COL4A5: variants seen among roughly 807,000 people sequenced by gnomAD.
The protein encoded by COL4A5 is collagen type IV alpha 5 chain.
A neutral mutation model predicts 130.2 loss-of-function variants in COL4A5; 26 were observed. The observed-to-expected ratio is 0.20, with a 90% CI of 0.15 to 0.28. COL4A5 has a LOEUF of 0.28. Ranked by LOEUF, COL4A5 falls within the 10% of genes least tolerant of loss-of-function variation. COL4A5 has a pLI of 1.00. For missense variants in COL4A5, 1,131 were observed against 1,344.3 expected (o/e 0.84, Z 2.48); for synonymous variants, 496 against 439.6 (o/e 1.13, Z -1.60).
At chrX:108,659,889 T>C (rs772438025) in intron 37 of COL4A5, among the ~76,000 whole-genome samples, 1 of 111,421 alleles carries the variant, frequency 9.0e-6, no homozygotes, top group Non-Finnish European at 1.9e-5. Flanking sequence ...TTAATGTATA[T>C]TGTTATGTTT....
chrX:108,632,293 C>T (rs1361084080), intron 36 of COL4A5, among the ~76,000 whole-genome samples: 3 of 110,385 alleles, frequency 2.7e-5, no homozygotes, highest in South Asian at 8.1e-4. Flanking sequence ...GAAGTTGAAT[C>T]TCTGAATAGG....
At chrX:108,625,928 G>A (rs2067145370) in intron 35 of COL4A5, 134 bp downstream of exon 35, 1 of 521,993 alleles carries the variant, frequency 1.9e-6, no homozygotes, top group Admixed American at 3.2e-5. Context: ...AGTGGGTAGT[G>A]TTCTCTTGTT....
intron 25 of COL4A5, among the ~76,000 whole-genome samples, chrX:108,600,120 G>C (rs970332493): frequency 4.5e-5 from 5 of 112,196 alleles, no homozygotes; most frequent in African/African-American, 1.6e-4. Flanking sequence ...GTGTTTATTG[G>C]TCATTTGAAT....
intron 8 of COL4A5, among the ~76,000 whole-genome samples, chrX:108,572,422 G>A (rs755199916): frequency 3.6e-5 from 4 of 111,232 alleles, no homozygotes; most frequent in South Asian, 7.7e-4. Flanking sequence ...AAATAAACCC[G>A]CTCCTCCCTG....
rs368367944 is a variant in COL4A5 at position 108,598,434 on chromosome X, A to C, written c.1780-268A>C. 5.9e-4 allele frequency among the ~76,000 whole-genome samples: 66 copies of C among 111,750 alleles called. 1 individual carries two copies. Among genetic ancestry groups the C allele is most frequent in the African/African-American group, 2.0e-3 (63 of 30,749 alleles). On this transcript the variant is annotated intron_variant, in intron 24 of 52. Coordinates refer to ENST00000328300, the MANE Select transcript of COL4A5 (RefSeq NM_033380.3). The stretch of plus-strand genomic sequence containing the variant: ...CTATAACCTTTCTGACTTACACTAA[A>C]ATGTAAGCTGCATAAAGTCAGAGAT...
At chrX:108,620,681 G>T (rs1445461420) in intron 31 of COL4A5, among the ~76,000 whole-genome samples, 1 of 111,677 alleles carries the variant, frequency 9.0e-6, no homozygotes, top group African/African-American at 3.3e-5. Flanking sequence ...TAATTTTGCT[G>T]AAGATTTTGC....
chrX:108,532,610 A>G (rs971857616), intron 1 of COL4A5, among the ~76,000 whole-genome samples: 5 of 111,451 alleles, frequency 4.5e-5, no homozygotes, highest in African/African-American at 1.6e-4. Flanking sequence ...TAAAAAAGGC[A>G]TCCAAATGGG....
chrX:108,541,249 G>A (rs2065535402), intron 2 of COL4A5, among the ~76,000 whole-genome samples: 2 of 111,782 alleles, frequency 1.8e-5, no homozygotes, highest in Non-Finnish European at 3.8e-5. Flanking sequence ...GAGTAGTTTC[G>A]CAGTAAGGGT....
chrX:108,586,637 G>A lies in COL4A5; in HGVS notation c.1055G>A (p.Gly352Asp). The change falls in exon 19 of 53, where the codon GGT (glycine) becomes GAT (aspartate). Residue 352 changes from glycine (G) to aspartate (D), a missense_variant. By Grantham distance (94) the Gly-to-Asp change is moderately conservative. Coordinates refer to ENST00000328300, the MANE Select transcript of COL4A5 (RefSeq NM_033380.3). ...PGLVIPRPGT[G>D]ITIGEKGNIG... ...AAGGTAATTCCTAGACCTGGGACTG[G>A]TATAACTATAGGAGAAAAAGGAAAC... 3 of 1,206,070 alleles carry A rather than the reference G, an allele frequency of 2.5e-6. No homozygotes were observed. The highest frequency in any genetic ancestry group is 3.4e-6 in the Non-Finnish European group (3 of 891,322).
chrX:108,654,686 A>G (rs757931957), intron 36 of COL4A5, among the ~76,000 whole-genome samples: 3 of 112,512 alleles, frequency 2.7e-5, no homozygotes, highest in South Asian at 3.7e-4. Flanking sequence ...GGCTCAAGCA[A>G]TCCTCCAGCC....
intron 10 of COL4A5, among the ~76,000 whole-genome samples, chrX:108,577,286 C>T (rs2066166123): frequency 9.6e-6 from 1 of 104,463 alleles, no homozygotes; most frequent in Non-Finnish European, 1.9e-5. Context: ...ACAGGAAAAT[C>T]GCTTGAACCC....
intron 2 of COL4A5, among the ~76,000 whole-genome samples, chrX:108,545,628 T>C (rs1249883331): frequency 8.9e-6 from 1 of 111,816 alleles, no homozygotes; most frequent in East Asian, 2.8e-4. Context: ...TTAGGTCTGC[T>C]TGGTGCAGAG....
intron 36 of COL4A5, among the ~76,000 whole-genome samples, chrX:108,632,266 C>A (rs962616291): frequency 6.3e-5 from 7 of 110,673 alleles, no homozygotes; most frequent in Non-Finnish European, 1.3e-4. Context: ...AGACTCCCCC[C>A]AAGACTAAAC....
chrX:108,459,343 A>T (rs923767048), intron 1 of COL4A5, among the ~76,000 whole-genome samples: 4 of 111,116 alleles, frequency 3.6e-5, no homozygotes, highest in Non-Finnish European at 7.5e-5. Context: ...GGCCTGTAGG[A>T]TAACGTTTAA....
intron 37 of COL4A5, among the ~76,000 whole-genome samples, chrX:108,660,987 A>T (rs1441503186): frequency 8.9e-6 from 1 of 112,034 alleles, no homozygotes; most frequent in Admixed American, 9.5e-5. Flanking sequence ...AGGTTTAGTT[A>T]TACAAATACT....
chrX:108,680,656 C>T, intron 44 of COL4A5, 23 bp from the exon 45 acceptor site: 2 of 1,192,843 alleles, frequency 1.7e-6, no homozygotes, highest in Non-Finnish European at 2.3e-6. Flanking sequence ...TTTTTTGTAA[C>T]ATTAATGATT....
chrX:108,597,442 C>T lies in COL4A5; in HGVS notation c.1653C>T (p.Leu551=), dbSNP rs1182245762. The T allele has an allele frequency of 1.2e-5, 15 of 1,210,904 alleles. No homozygotes were observed. The highest frequency in any genetic ancestry group is 1.7e-5 in the Non-Finnish European group (15 of 895,095). The change falls in exon 24 of 53, where the codon CTC becomes CTT. Residue 551 remains leucine (L), a synonymous_variant. Transcript: ENST00000328300. ...PGSKGEPGDI[L]TFPGMKGDKG... ...CTAAAGGTGAACCTGGTGATATCCT[C>T]ACTTTTCCAGGAATGAAGGGTGACA...
At chrX:108,446,941 C>G (rs757865910) in intron 1 of COL4A5, among the ~76,000 whole-genome samples, 16 of 111,328 alleles carry the variant, frequency 1.4e-4, no homozygotes, top group Non-Finnish European at 2.1e-4. Context: ...ATTTTGTGCA[C>G]AATATATCCT....
intron 1 of COL4A5, among the ~76,000 whole-genome samples, chrX:108,498,798 T>A (rs1316642269): frequency 9.0e-6 from 1 of 111,651 alleles, no homozygotes; most frequent in Non-Finnish European, 1.9e-5. Flanking sequence ...TAGTATAAAA[T>A]TTTTCATTTT....
Sources: gnomAD v4.1 joint callset for allele counts (sites outside exome capture counted in the v4.1 genomes callset) on GRCh38, gnomAD v4.1.1 for gene constraint, MANE v1.5 for transcripts, NCBI Gene and HGNC (gene_info 2026-07-23, HGNC 2026-07-21) for gene names.